CKAP5: variants seen among roughly 807,000 people sequenced by gnomAD.
The protein encoded by CKAP5 is cytoskeleton associated protein 5, also known as cytoskeleton-associated protein 5.
In CKAP5, 27 loss-of-function variants were observed where a neutral mutation model predicts 232.8. That is an observed-to-expected ratio of 0.12 (90% CI 0.09 to 0.16). The LOEUF is 0.16. Ranked by LOEUF, CKAP5 falls within the 10% of genes least tolerant of loss-of-function variation. The probability of loss-of-function intolerance (pLI) is 1.00; values close to 1 mark genes in which losing one functional copy is unlikely to be tolerated. For synonymous variants in CKAP5, 785 were observed against 841.1 expected (o/e 0.93, Z 1.16); for missense variants, 1,838 against 2,424.7 (o/e 0.76, Z 5.08).
At position 46,758,947 on chromosome 11, in the gene CKAP5, G is replaced by A; in HGVS notation, c.4665C>T (p.Asn1555=). 1 of 1,613,836 alleles carries A rather than the reference G, an allele frequency of 6.2e-7. No individual in the cohort carries two copies. The highest frequency in any genetic ancestry group is 1.1e-5 in the South Asian group (1 of 91,060). ...CCTGTGTCAGAGCTTGGATACTTGT[G>A]TTGATGTCACCACTGGCTACTTGGG... ...IISQVASGDI[N]TSIQALTQID... Residue 1555 remains asparagine (N), a synonymous_variant, in exon 35 of 44, where the codon AAC becomes AAT. Coordinates refer to ENST00000529230, the MANE Select transcript of CKAP5 (RefSeq NM_001008938.4).
chr11:46,777,719 T>A (rs1436795209), intron 22 of CKAP5, among the ~76,000 whole-genome samples, 167 bp from the exon 23 acceptor site: 1 of 152,256 alleles, frequency 6.6e-6, no homozygotes, highest in Non-Finnish European at 1.5e-5. Context: ...CTAATTAATT[T>A]TTAGGCAGTG....
At chr11:46,760,542 A>G in intron 33 of CKAP5, 70 bp downstream of exon 33, 1 of 1,455,536 alleles carries the variant, frequency 6.9e-7, no homozygotes, top group South Asian at 1.2e-5. Flanking sequence ...ATTATGTTAC[A>G]GGACAGGCTG....
At position 46,797,885 on chromosome 11, in the gene CKAP5, T is replaced by C. The variant is rs1460598816; in HGVS notation, c.1258A>G (p.Ile420Val). The C allele has an allele frequency of 3.9e-5, 63 of 1,613,972 alleles. No homozygotes were observed. The highest frequency in any genetic ancestry group is 5.3e-5 in the Non-Finnish European group (62 of 1,180,004). Residue 420 changes from isoleucine (I) to valine (V), a missense_variant, in exon 11 of 44, where the codon ATT becomes GTT. By Grantham distance (29) the Ile-to-Val change is conservative. Transcript: ENST00000529230. ...PTIKQQTSLF[I>V]ARSFRHCTAS... ...GTGCAGTGGCGGAAACTTCTTGCAA[T>C]AAAAAGAGATGTCTGCTGCTTGATG...
chr11:46,744,079 C>T lies in CKAP5; in HGVS notation c.6043G>A (p.Ala2015Thr), dbSNP rs979070686. Residue 2015 changes from alanine to threonine, a missense_variant, in exon 44 of 44, where the codon GCT (alanine) becomes ACT (threonine). By Grantham distance (58) the Ala-to-Thr change is moderately conservative. Around this residue, in one of 6 missense-constraint regions of CKAP5, gnomAD observed 62 missense variants for 61.1 expected, o/e 1.01. Coordinates refer to ENST00000529230, the MANE Select transcript of CKAP5 (RefSeq NM_001008938.4). ...SGTVTSSSST[A>T]NIDDLKKRLE... is the part of the protein sequence containing the mutation. ...CTTTTTTTCAAGTCGTCTATGTTAG[C>T]TGTGGAGGAGGAGGAGGTCACAGTT... is the stretch of plus-strand genomic sequence containing the variant. 6.2e-6 allele frequency: 10 copies of T among 1,613,842 alleles called. No individual in the cohort carries two copies. The highest frequency in any genetic ancestry group is 8.5e-6 in the Non-Finnish European group (10 of 1,180,008).
At chr11:46,752,185 TATATATATACACACACACACAC>T (rs1648659472) in intron 38 of CKAP5, among the ~76,000 whole-genome samples, 1 of 68,508 alleles carries the variant, frequency 1.5e-5, no homozygotes, top group African/African-American at 4.2e-5. Context: ...TATATATATA[TATATATATACACACACACACAC>T]ACACACACAC....
At chr11:46,822,286 A>C (rs1288786963) in intron 1 of CKAP5, among the ~76,000 whole-genome samples, 1 of 152,092 alleles carries the variant, frequency 6.6e-6, no homozygotes, top group Non-Finnish European at 1.5e-5. Context: ...GTCTCAAAAA[A>C]ACCAAAAATT....
intron 31 of CKAP5, 140 bp downstream of exon 31, chr11:46,762,487 C>CTGGTGG: frequency 9.3e-7 from 1 of 1,077,388 alleles, no homozygotes. Context: ...GTGTGCAACT[C>CTGGTGG]ATCACTCTCA....
chr11:46,795,835 G>A (rs1938859522), intron 12 of CKAP5, 59 bp from the exon 13 acceptor site: 18 of 1,387,364 alleles, frequency 1.3e-5, no homozygotes, highest in South Asian at 1.2e-4. Flanking sequence ...CAACCACTAC[G>A]TTATTACATT....
At chr11:46,796,739 G>C in intron 12 of CKAP5, 73 bp downstream of exon 12, 1 of 1,560,814 alleles carries the variant, frequency 6.4e-7, no homozygotes. Flanking sequence ...CTCTATAACT[G>C]TCAAGAGACA....
At position 46,777,421 on chromosome 11, in the gene CKAP5, G is replaced by T; in HGVS notation, c.2862+18C>A. 6.7e-7 allele frequency: 1 copy of T among 1,500,996 alleles called. No homozygotes were observed. Among genetic ancestry groups the T allele is most frequent in the Non-Finnish European group, 9.3e-7 (1 of 1,077,986 alleles). 93.0% of individuals were successfully genotyped at this position (1,500,996 alleles called of 1,614,324 possible). On this transcript the variant is annotated intron_variant, in intron 23 of 43. Coordinates refer to ENST00000529230, the MANE Select transcript of CKAP5 (RefSeq NM_001008938.4). ...GCCTATTCCAGAATGGAGGCATGGT[G>T]AAAAGAGTTAGGTTTACCTTGCTGT...
At chr11:46,807,040 T>C (rs1939171454) in intron 8 of CKAP5, among the ~76,000 whole-genome samples, 1 of 152,220 alleles carries the variant, frequency 6.6e-6, no homozygotes. Context: ...GCAAACAGGC[T>C]GTGATGTACC....
In CKAP5 at chr11:46,760,758, G is replaced by C. The variant is rs1207300997; in HGVS notation, c.4248C>G (p.Leu1416=). ...GNLSEKDMSM[L]EERIKRSAKR... Reference sequence around the variant, plus strand: ...TTGCTGACCGCTTAATCCTCTCCTCGAGCATGCTCATATCCTTTTCAGAAA... The same window carrying C: ...TTGCTGACCGCTTAATCCTCTCCTCCAGCATGCTCATATCCTTTTCAGAAA... Residue 1416 remains leucine (L), a synonymous_variant, in exon 33 of 44, where the codon CTC becomes CTG. Transcript: ENST00000529230. The C allele has an allele frequency of 3.7e-6, 6 of 1,613,938 alleles. No individual in the cohort carries two copies. The South Asian group carries it at 4.4e-5, about 12-fold the overall frequency.
intron 32 of CKAP5, among the ~76,000 whole-genome samples, chr11:46,761,152 A>G (rs537679337): frequency 5.9e-5 from 9 of 151,534 alleles, no homozygotes; most frequent in Non-Finnish European, 7.4e-5. Context: ...AGGAGGCTGA[A>G]GTCAGAGGAT....
At position 46,841,207 on chromosome 11, in the gene CKAP5, T is replaced by C. The variant is rs542567877; in HGVS notation, c.-38+5013A>G. On this transcript the variant is annotated intron_variant, in intron 1 of 43. Coordinates refer to ENST00000529230, the MANE Select transcript of CKAP5 (RefSeq NM_001008938.4). The stretch of plus-strand genomic sequence containing the variant: ...ATCTCTTGAACCCGGGAGACAGAGG[T>C]TGCAGTCAGCCAAGACTGCGCCACC... 7.3e-5 allele frequency among the ~76,000 whole-genome samples: 11 copies of C among 151,386 alleles called. No homozygotes were observed. In the East Asian group the frequency reaches 1.7e-3, roughly 24 times the overall value.
At chr11:46,762,394 G>A in intron 31 of CKAP5, 1 of 847,394 alleles carries the variant, frequency 1.2e-6, no homozygotes, top group East Asian at 2.4e-5. Context: ...ATGCCTGTGA[G>A]TCAGATGGCC....
intron 35 of CKAP5, among the ~76,000 whole-genome samples, chr11:46,758,227 T>C (rs1196482700): frequency 6.6e-6 from 1 of 152,138 alleles, no homozygotes; most frequent in Non-Finnish European, 1.5e-5. Context: ...ATGAACCTTC[T>C]CTTATTTCCT....
At chr11:46,780,535 A>C in intron 18 of CKAP5, 50 bp from the exon 19 acceptor site, 1 of 1,508,312 alleles carries the variant, frequency 6.6e-7, no homozygotes, top group Non-Finnish European at 9.1e-7. Context: ...CCCTCAAAAT[A>C]CTCAATAACG....
At chr11:46,800,297 T>G (rs1363757514) in intron 9 of CKAP5, among the ~76,000 whole-genome samples, 1 of 152,202 alleles carries the variant, frequency 6.6e-6, no homozygotes. Context: ...GTCTTCTTTT[T>G]CTTCAGTTAA....
At chr11:46,796,728 A>C in intron 12 of CKAP5, 84 bp downstream of exon 12, 1 of 1,469,884 alleles carries the variant, frequency 6.8e-7, no homozygotes. Flanking sequence ...AACTACCAGT[A>C]CTCTATAACT....
Sources: allele counts gnomAD v4.1 joint callset (sites outside exome capture counted in the v4.1 genomes callset), GRCh38; gene constraint gnomAD v4.1.1; regional missense constraint gnomAD v4.1.1; transcripts MANE v1.5; gene names NCBI Gene and HGNC (gene_info 2026-07-23, HGNC 2026-07-21).